MROH1: variants seen among roughly 807,000 people sequenced by gnomAD.
MROH1 encodes the protein maestro heat-like repeat-containing protein family member 1.
In MROH1, 117 loss-of-function variants were observed where a neutral mutation model predicts 116.5. The ratio of observed to expected loss-of-function variants is 1.00; its 90% CI spans 0.86 to 1.17. The LOEUF (loss-of-function observed/expected upper bound fraction) is 1.17, where lower values mean the gene tolerates loss of function less well. Ranked by LOEUF, MROH1 falls within the 50% of genes most tolerant of loss-of-function variation. The pLI, the probability that MROH1 is intolerant of heterozygous loss-of-function variation, is 0.00. For missense variants in MROH1, 1,873 were observed against 1,338.5 expected (o/e 1.40, Z -6.23); for synonymous variants, 921 against 583.9 (o/e 1.58, Z -8.32).
chr8:144,239,598 C>A lies in MROH1; in HGVS notation c.1633-16C>A. 1 of 771,290 alleles carries A rather than the reference C, an allele frequency of 1.3e-6. No homozygotes were observed. The highest frequency in any genetic ancestry group is 2.4e-5 in the East Asian group (1 of 40,848). 47.8% of individuals were successfully genotyped at this position (771,290 alleles called of 1,614,324 possible). On this transcript the variant is annotated splice_polypyrimidine_tract_variant and intron_variant, in intron 17 of 43. Coordinates refer to ENST00000326134, the MANE Select transcript of MROH1 (RefSeq NM_032450.3). Reference sequence around the variant, plus strand: ...GCTCCCTGCTCAGACCCGGCTCCCACGCTGCCTCTTTTCAGGTTGTGTCTT... The same window carrying A: ...GCTCCCTGCTCAGACCCGGCTCCCAAGCTGCCTCTTTTCAGGTTGTGTCTT...
intron 12 of MROH1, among the ~76,000 whole-genome samples, chr8:144,211,224 G>C (rs1834023645): frequency 6.6e-6 from 1 of 152,194 alleles, no homozygotes; most frequent in South Asian, 2.1e-4. Context: ...TGGGCAAGAC[G>C]ATAGGAGTCA....
chr8:144,172,492 A>G (rs1207252281), intron 4 of MROH1, among the ~76,000 whole-genome samples: 1 of 149,192 alleles, frequency 6.7e-6, no homozygotes, highest in African/African-American at 2.5e-5. Context: ...GCTCACTGCA[A>G]CCTCCACCTC....
At chr8:144,150,542 C>G (rs953824928) in intron 1 of MROH1, among the ~76,000 whole-genome samples, 166 of 152,326 alleles carry the variant, frequency 1.1e-3, no homozygotes, top group Non-Finnish European at 1.9e-3. Context: ...AGCCCCTGTC[C>G]TCAGCACGTC....
At chr8:144,225,322 T>G (rs867340565) in intron 14 of MROH1, among the ~76,000 whole-genome samples, 1 of 152,200 alleles carries the variant, frequency 6.6e-6, no homozygotes, top group African/African-American at 2.4e-5. Context: ...ATATGTATTT[T>G]TTTAACTTTT....
intron 4 of MROH1, among the ~76,000 whole-genome samples, chr8:144,172,620 A>G (rs1822781607): frequency 6.6e-6 from 1 of 152,102 alleles, no homozygotes; most frequent in Non-Finnish European, 1.5e-5. Context: ...CGTGTTGGTC[A>G]GGCAGGTCTC....
intron 34 of MROH1, 30 bp downstream of exon 34, chr8:144,255,008 A>G: frequency 1.4e-6 from 1 of 729,174 alleles, no homozygotes; most frequent in East Asian, 2.6e-5. Context: ...CCACCTTGAC[A>G]CGCTGTCCCT....
chr8:144,170,015 T>C (rs1417346819), intron 4 of MROH1, among the ~76,000 whole-genome samples: 1 of 152,164 alleles, frequency 6.6e-6, no homozygotes, highest in Admixed American at 6.5e-5. Flanking sequence ...TGTGTTTTAG[T>C]AGAGATGGGG....
At chr8:144,154,073 A>AT (rs1165289294) in intron 1 of MROH1, among the ~76,000 whole-genome samples, 13 of 135,572 alleles carry the variant, frequency 9.6e-5, no homozygotes, top group East Asian at 2.3e-4. Flanking sequence ...TTTTATTTTT[A>AT]TTTTTTTTTG....
intron 21 of MROH1, 31 bp from the exon 22 acceptor site, chr8:144,241,364 C>T: frequency 1.3e-6 from 1 of 753,912 alleles, no homozygotes; most frequent in South Asian, 1.4e-5. Flanking sequence ...GCGTGCTCTT[C>T]CCTGCCCGGG....
intron 12 of MROH1, among the ~76,000 whole-genome samples, chr8:144,204,630 G>A (rs1164787434): frequency 6.6e-6 from 1 of 152,190 alleles, no homozygotes; most frequent in African/African-American, 2.4e-5. Flanking sequence ...TGCTGTTTCA[G>A]GATGTTGTAC....
In MROH1 at chr8:144,260,906, G is replaced by A. The variant is rs1844917903; in HGVS notation, c.4537-1G>A. 1 of 777,486 alleles carries A rather than the reference G, an allele frequency of 1.3e-6. No individual in the cohort carries two copies. The highest frequency in any genetic ancestry group is 1.7e-5 in the African/African-American group (1 of 59,112). The allele number at this position is 777,486 out of a possible 1,614,324, so 48.2% of individuals were successfully genotyped here. ...CTTGGCCCCAGTGCCGCATCCCTTA[G>A]GCCTGCAGGTTTGCCCTGCGCATGT... On this transcript the variant is annotated splice_acceptor_variant, in intron 40 of 43. Transcript: ENST00000326134. LOFTEE classifies it high-confidence loss of function.
At chr8:144,255,460 C>T (rs781837545) in intron 34 of MROH1, 49 bp from the exon 35 acceptor site, 2 of 766,178 alleles carry the variant, frequency 2.6e-6, no homozygotes, top group Admixed American at 1.8e-5. Context: ...GGGCTCAGAT[C>T]TCCTGCGGCC....
At chr8:144,237,936 C>T (rs2132822700) in intron 14 of MROH1, among the ~76,000 whole-genome samples, 1 of 152,264 alleles carries the variant, frequency 6.6e-6, no homozygotes, top group Admixed American at 6.5e-5. Context: ...TTTATTAACG[C>T]AAATGATTCT....
intron 1 of MROH1, among the ~76,000 whole-genome samples, chr8:144,153,919 C>A (rs1817442441): frequency 6.6e-6 from 1 of 152,050 alleles, no homozygotes; most frequent in Non-Finnish European, 1.5e-5. Flanking sequence ...CACCACCACA[C>A]CTGGCTAATA....
intron 4 of MROH1, chr8:144,175,380 G>T: frequency 1.9e-6 from 1 of 516,400 alleles, no homozygotes; most frequent in Non-Finnish European, 2.5e-6. Flanking sequence ...CTGGTCGGAT[G>T]GGTATAAATG....
At chr8:144,226,639 G>C (rs1040938942) in intron 14 of MROH1, among the ~76,000 whole-genome samples, 2 of 152,054 alleles carry the variant, frequency 1.3e-5, no homozygotes, top group African/African-American at 4.8e-5. Flanking sequence ...TTTCAGTAGA[G>C]ATGCAGTTTC....
rs373291739 is a variant in MROH1, at chr8:144,190,942, C to T, written c.714+7C>T. ...GCAGAGTCGAGAAGCCAAGGTATGC[C>T]CCGTGGCTGCATCAGTCCACGCCTG... On this transcript the variant is annotated splice_region_variant and intron_variant, in intron 8 of 43. Transcript: ENST00000326134. 5 of 1,612,170 alleles carry T rather than the reference C, an allele frequency of 3.1e-6. No individual in the cohort carries two copies. The African/African-American group carries it at 5.3e-5, about 17-fold the overall frequency.
At chr8:144,186,044 G>C (rs1340992261) in intron 7 of MROH1, among the ~76,000 whole-genome samples, 3 of 152,240 alleles carry the variant, frequency 2.0e-5, no homozygotes, top group African/African-American at 7.2e-5. Flanking sequence ...GTGCTCCGTG[G>C]GCTCCGCAGT....
chr8:144,255,811 T>A (rs901268492), intron 35 of MROH1, 106 bp downstream of exon 35: 79 of 651,564 alleles, frequency 1.2e-4, no homozygotes, highest in Non-Finnish European at 2.1e-4. Context: ...ACGGGGAGTG[T>A]GGGAGTGACT....
Sources: gnomAD v4.1 joint callset for allele counts (sites outside exome capture counted in the v4.1 genomes callset) on GRCh38, gnomAD v4.1.1 for gene constraint, MANE v1.5 for transcripts, NCBI Gene and HGNC (gene_info 2026-07-23, HGNC 2026-07-21) for gene names.